STAU2: variants seen among roughly 807,000 people sequenced by gnomAD.
STAU2 encodes the protein double-stranded RNA-binding protein Staufen homolog 2.
Under a neutral mutation model 65.9 loss-of-function variants are expected in STAU2, and 20 were observed. That is an observed-to-expected ratio of 0.30 (90% CI 0.21 to 0.44). The LOEUF is 0.44. Ranked by LOEUF, STAU2 falls within the 20% of genes least tolerant of loss-of-function variation. The pLI, the probability that STAU2 is intolerant of heterozygous loss-of-function variation, is 1.00. For synonymous variants in STAU2, 232 were observed against 233.9 expected (o/e 0.99, Z 0.07); for missense variants, 558 against 683.9 (o/e 0.82, Z 2.05).
At chr8:73,474,901 T>C (rs1285740178) in intron 13 of STAU2, among the ~76,000 whole-genome samples, 1 of 152,182 alleles carries the variant, frequency 6.6e-6, no homozygotes, top group African/African-American at 2.4e-5. Flanking sequence ...TTACATAAAT[T>C]ATGAGACAGC....
Position 73,739,691 on chromosome 8 carries a change from T to C in STAU2, c.-84+65A>G, listed in dbSNP as rs1327999532. The C allele has an allele frequency of 4.6e-6, 6 of 1,295,618 alleles. No homozygotes were observed. In the East Asian group the frequency reaches 1.4e-4, roughly 30 times the overall value. The allele number at this position is 1,295,618 out of a possible 1,614,324, so 80.3% of individuals were successfully genotyped here. On this transcript the variant is annotated intron_variant, in intron 2 of 14. Transcript: ENST00000524300. ...CACATTTCCTATGAGAACGGGATGC[T>C]GTATAAAGAGCACACGGCCTGGATA... is the stretch of plus-strand genomic sequence containing the variant.
At chr8:73,719,450 G>A (rs1172101055) in intron 3 of STAU2, among the ~76,000 whole-genome samples, 1 of 152,144 alleles carries the variant, frequency 6.6e-6, no homozygotes, top group East Asian at 1.9e-4. Context: ...AGCTAATAAG[G>A]TTTTTCATAG....
At chr8:73,518,523 C>T (rs890560001) in intron 13 of STAU2, among the ~76,000 whole-genome samples, 1 of 152,190 alleles carries the variant, frequency 6.6e-6, no homozygotes. Flanking sequence ...GTGGCTGTGT[C>T]CCAGTAAAGC....
intron 6 of STAU2, among the ~76,000 whole-genome samples, chr8:73,627,757 A>T (rs1275108763): frequency 1.4e-3 from 2 of 1,456 alleles, no homozygotes; most frequent in Non-Finnish European, 3.8e-3. Flanking sequence ...AACCTTGTTA[A>T]AAAAAAAAAA....
At chr8:73,457,651 A>G (rs962200870) in intron 13 of STAU2, among the ~76,000 whole-genome samples, 1 of 152,244 alleles carries the variant, frequency 6.6e-6, no homozygotes, top group Non-Finnish European at 1.5e-5. Context: ...CTGGGTTTAA[A>G]TACCATTCTT....
chr8:73,627,150 T>A (rs1813703441), intron 6 of STAU2, among the ~76,000 whole-genome samples: 1 of 138,726 alleles, frequency 7.2e-6, no homozygotes, highest in South Asian at 2.3e-4. Flanking sequence ...GTCTGAGAGG[T>A]AAATGGCTAG....
chr8:73,525,870 G>A (rs1260494510), intron 13 of STAU2, among the ~76,000 whole-genome samples: 2 of 152,196 alleles, frequency 1.3e-5, no homozygotes, highest in Non-Finnish European at 2.9e-5. Context: ...TAGACTGTAA[G>A]CTCCATGAGA....
intron 1 of STAU2, among the ~76,000 whole-genome samples, chr8:73,741,780 C>G (rs1293693765): frequency 6.6e-6 from 1 of 152,108 alleles, no homozygotes; most frequent in African/African-American, 2.4e-5. Flanking sequence ...CCCAAAGTGC[C>G]AAGATTACAG....
intron 13 of STAU2, among the ~76,000 whole-genome samples, chr8:73,526,830 T>C (rs1805487677): frequency 6.6e-6 from 1 of 152,204 alleles, no homozygotes; most frequent in Non-Finnish European, 1.5e-5. Context: ...TAAGAAACAA[T>C]ACACTTTTCA....
chr8:73,425,228 T>A (rs1313454510), intron 13 of STAU2, among the ~76,000 whole-genome samples: 1 of 152,140 alleles, frequency 6.6e-6, no homozygotes, highest in East Asian at 1.9e-4. Context: ...ACAGATGTAA[T>A]TAGTTAAGAT....
intron 13 of STAU2, among the ~76,000 whole-genome samples, chr8:73,519,028 T>TA (rs1822896007): frequency 6.6e-6 from 1 of 152,182 alleles, no homozygotes; most frequent in Non-Finnish European, 1.5e-5. Context: ...CTCTAATTCA[T>TA]AAAAAATAAA....
At chr8:73,703,362 C>A (rs983535585) in intron 4 of STAU2, among the ~76,000 whole-genome samples, 2 of 150,348 alleles carry the variant, frequency 1.3e-5, no homozygotes, top group South Asian at 2.1e-4. Context: ...GAGGCCCCCC[C>A]AAAAGCAGAT....
intron 13 of STAU2, chr8:73,550,817 G>A: frequency 1.0e-6 from 1 of 987,280 alleles, no homozygotes; most frequent in Non-Finnish European, 1.2e-6. Flanking sequence ...ACAACTACCT[G>A]GCAATAGTTT....
intron 6 of STAU2, among the ~76,000 whole-genome samples, chr8:73,645,968 G>C (rs1312610562): frequency 1.3e-5 from 2 of 152,072 alleles, no homozygotes; most frequent in African/African-American, 4.8e-5. Context: ...TCCAACATTG[G>C]TACAATTGAA....
chr8:73,522,754 G>A (rs1277946837), intron 13 of STAU2, among the ~76,000 whole-genome samples: 3 of 152,114 alleles, frequency 2.0e-5, no homozygotes, highest in East Asian at 3.9e-4. Context: ...AAGACATCAC[G>A]AGGACCTCCA....
chr8:73,662,881 G>A (rs1816938796), intron 6 of STAU2, among the ~76,000 whole-genome samples: 1 of 152,056 alleles, frequency 6.6e-6, no homozygotes, highest in Admixed American at 6.6e-5. Flanking sequence ...CTCCCAAAGT[G>A]CTGGGATTAC....
At chr8:73,594,317 T>C (rs1479761861) in intron 11 of STAU2, among the ~76,000 whole-genome samples, 2 of 152,170 alleles carry the variant, frequency 1.3e-5, no homozygotes, top group Non-Finnish European at 2.9e-5. Context: ...CATCTAAGTG[T>C]CTTTATATAT....
At chr8:73,500,161 G>A (rs1010417742) in intron 13 of STAU2, among the ~76,000 whole-genome samples, 3 of 151,876 alleles carry the variant, frequency 2.0e-5, no homozygotes, top group African/African-American at 7.2e-5. Flanking sequence ...AGAAGCAATG[G>A]AGCATTGGTT....
chr8:73,647,890 C>T (rs1412866650), intron 6 of STAU2, among the ~76,000 whole-genome samples: 2 of 152,168 alleles, frequency 1.3e-5, no homozygotes, highest in Non-Finnish European at 2.9e-5. Context: ...CCGAGTTCTG[C>T]ATCTTGTTTG....
Sources: allele counts gnomAD v4.1 joint callset (sites outside exome capture counted in the v4.1 genomes callset), GRCh38; gene constraint gnomAD v4.1.1; transcripts MANE v1.5; gene names NCBI Gene and HGNC (gene_info 2026-07-23, HGNC 2026-07-21).